Variants in DOCK5 observed in about 807,000 individuals in gnomAD.
DOCK5 encodes dedicator of cytokinesis 5.
A neutral mutation model predicts 251.8 loss-of-function variants in DOCK5; 142 were observed. The observed-to-expected ratio is 0.56, with a 90% CI of 0.49 to 0.65. DOCK5 has a LOEUF of 0.65. DOCK5 is among the 30% of genes least tolerant of loss of function. DOCK5 has a pLI of 0.00. For missense variants in DOCK5, 2,111 were observed against 2,312.3 expected (o/e 0.91, Z 1.79); for synonymous variants, 842 against 835.5 (o/e 1.01, Z -0.13).
At chr8:25,262,124 A>T (rs752636018) in intron 2 of DOCK5, among the ~76,000 whole-genome samples, 1 of 152,196 alleles carries the variant, frequency 6.6e-6, no homozygotes, top group Non-Finnish European at 1.5e-5. Flanking sequence ...GGATGTGGCC[A>T]GGTCATAGGA....
chr8:25,313,037 T>A (rs1032626505), intron 13 of DOCK5, among the ~76,000 whole-genome samples: 1 of 152,096 alleles, frequency 6.6e-6, no homozygotes, highest in Non-Finnish European at 1.5e-5. Flanking sequence ...ATTCCCAGAT[T>A]TCTAGAGACC....
At chr8:25,410,037 A>G in intron 50 of DOCK5, 62 bp from the exon 51 acceptor site, 3 of 1,426,174 alleles carry the variant, frequency 2.1e-6, no homozygotes, top group Non-Finnish European at 2.9e-6. Context: ...TGCCAGCAAC[A>G]TTTCCATGAG....
At position 25,366,262 on chromosome 8, in the gene DOCK5, G is replaced by A. The variant is rs779200740; in HGVS notation, c.3124-608G>A. ...TCTCAGCACTTTGGGAGGCCAAGGC[G>A]GGCAGATCACCTGAGGTCAGGAGTT... On this transcript the variant is annotated intron_variant, in intron 30 of 51. Transcript: ENST00000276440. Among the ~76,000 whole-genome samples, 5 of 152,278 alleles carry A rather than the reference G, an allele frequency of 3.3e-5. No individual in the cohort carries two copies. In the South Asian group the frequency reaches 6.2e-4, roughly 19 times the overall value.
chr8:25,359,462 A>C (rs1184370402), intron 28 of DOCK5, among the ~76,000 whole-genome samples: 1 of 152,196 alleles, frequency 6.6e-6, no homozygotes, highest in Admixed American at 6.5e-5. Context: ...TGGAGAGGGC[A>C]ACAAAAAGAG....
At chr8:25,263,686 C>T (rs774838909) in intron 2 of DOCK5, among the ~76,000 whole-genome samples, 25 of 151,792 alleles carry the variant, frequency 1.6e-4, no homozygotes, top group Non-Finnish European at 2.9e-4. Flanking sequence ...GATACCCCCT[C>T]GCCCCACTTA....
chr8:25,347,370 T>A (rs1800388749), intron 26 of DOCK5, among the ~76,000 whole-genome samples: 1 of 152,238 alleles, frequency 6.6e-6, no homozygotes, highest in Admixed American at 6.5e-5. Context: ...GCTTACTTGA[T>A]ATTTATTCAT....
chr8:25,374,975 A>G, intron 37 of DOCK5: 3 of 1,193,298 alleles, frequency 2.5e-6, no homozygotes, highest in South Asian at 1.6e-5. Context: ...AACTGCAGAA[A>G]GATGAGTTAT....
chr8:25,251,589 G>T (rs966608255), intron 2 of DOCK5, among the ~76,000 whole-genome samples: 12 of 152,158 alleles, frequency 7.9e-5, no homozygotes, highest in Non-Finnish European at 1.6e-4. Flanking sequence ...TTTTTATAAA[G>T]CAGGCCTTTG....
intron 1 of DOCK5, among the ~76,000 whole-genome samples, chr8:25,237,470 T>A (rs903708745): frequency 2.0e-5 from 3 of 152,220 alleles, no homozygotes; most frequent in African/African-American, 7.2e-5. Context: ...AGCCAGTAAG[T>A]CTGTTCTGTT....
intron 27 of DOCK5, among the ~76,000 whole-genome samples, chr8:25,356,589 C>A (rs1266452383): frequency 6.6e-6 from 1 of 151,912 alleles, no homozygotes; most frequent in Non-Finnish European, 1.5e-5. Flanking sequence ...ATCGCTTGAG[C>A]CCCAGGGAAG....
At chr8:25,201,147 T>G (rs1257854971) in intron 1 of DOCK5, among the ~76,000 whole-genome samples, 1 of 152,214 alleles carries the variant, frequency 6.6e-6, no homozygotes, top group East Asian at 1.9e-4. Context: ...CCTCAGGTGA[T>G]CCGCCCACCT....
chr8:25,234,200 G>A (rs1159482405), intron 1 of DOCK5, among the ~76,000 whole-genome samples: 4 of 152,124 alleles, frequency 2.6e-5, no homozygotes, highest in South Asian at 2.1e-4. Flanking sequence ...GAGGATAATC[G>A]GTGACATCCT....
chr8:25,293,865 A>C (rs1010597616), intron 6 of DOCK5, among the ~76,000 whole-genome samples: 2 of 152,138 alleles, frequency 1.3e-5, no homozygotes, highest in African/African-American at 4.8e-5. Flanking sequence ...TTAGCTGGGC[A>C]TGGTGGCATA....
chr8:25,362,718 G>A (rs1039430314), intron 28 of DOCK5, among the ~76,000 whole-genome samples: 1 of 151,976 alleles, frequency 6.6e-6, no homozygotes, highest in Non-Finnish European at 1.5e-5. Context: ...GATTACAGGT[G>A]TAAGCCACTA....
At chr8:25,300,505 A>G (rs1352710864) in intron 8 of DOCK5, 71 bp from the exon 9 acceptor site, 72 of 1,360,494 alleles carry the variant, frequency 5.3e-5, no homozygotes, top group Admixed American at 7.9e-5. Context: ...TTGTAAGTCT[A>G]TACTGAGGGT....
At chr8:25,373,504 T>A in intron 35 of DOCK5, 114 bp from the exon 36 acceptor site, 1 of 962,714 alleles carries the variant, frequency 1.0e-6, no homozygotes, top group Non-Finnish European at 1.6e-6. Context: ...AGGGAAACAG[T>A]GATCTCTTTG....
rs1804684143 is a variant in DOCK5 at position 25,298,874 on chromosome 8, T to A, written c.607-70T>A. 4 of 1,458,540 alleles carry A rather than the reference T, an allele frequency of 2.7e-6. No individual in the cohort carries two copies. The South Asian group carries it at 5.5e-5, about 20-fold the overall frequency. 90.3% of individuals were successfully genotyped at this position (1,458,540 alleles called of 1,614,324 possible). Reference sequence around the variant, plus strand: ...GCCATTTGCAGGCTTATTTATTTATTTATTTATTTTTGCCAACATTTCCCA... The same window carrying A: ...GCCATTTGCAGGCTTATTTATTTATATATTTATTTTTGCCAACATTTCCCA... On this transcript the variant is annotated intron_variant, in intron 7 of 51. Transcript: ENST00000276440.
chr8:25,360,377 G>A (rs1286828021), intron 28 of DOCK5, among the ~76,000 whole-genome samples: 1 of 152,172 alleles, frequency 6.6e-6, no homozygotes, highest in African/African-American at 2.4e-5. Flanking sequence ...GGGAACCATA[G>A]CAATATGTAG....
chr8:25,197,552 C>G (rs1363676470), intron 1 of DOCK5, among the ~76,000 whole-genome samples: 1 of 149,450 alleles, frequency 6.7e-6, no homozygotes, highest in Non-Finnish European at 1.5e-5. Flanking sequence ...AAGATGCCCT[C>G]TCTTTAAGGA....
Sources: allele counts gnomAD v4.1 joint callset (sites outside exome capture counted in the v4.1 genomes callset), GRCh38; gene constraint gnomAD v4.1.1; transcripts MANE v1.5; gene names NCBI Gene and HGNC (gene_info 2026-07-23, HGNC 2026-07-21).